The following TMCO5A variants were observed in gnomAD, a reference collection of about 807,000 sequenced individuals.
The protein encoded by TMCO5A is transmembrane and coiled-coil domains 5A, also known as transmembrane and coiled-coil domain-containing protein 5A.
TMCO5A carries 34 observed loss-of-function variants against 42.3 expected under a neutral mutation model. That is an observed-to-expected ratio of 0.80 (90% CI 0.61 to 1.07). The LOEUF (loss-of-function observed/expected upper bound fraction) is 1.07, where lower values mean the gene tolerates loss of function less well. Ranked by LOEUF, TMCO5A falls within the 50% of genes least tolerant of loss-of-function variation. The pLI, the probability that TMCO5A is intolerant of heterozygous loss-of-function variation, is 0.00. For missense variants in TMCO5A, 357 were observed against 327.9 expected (o/e 1.09, Z -0.69); for synonymous variants, 131 against 115.6 (o/e 1.13, Z -0.86).
chr15:37,990,337 T>C, the TMCO5A span, among the ~76,000 whole-genome samples: 1 of 152,104 alleles, frequency 6.6e-6, no homozygotes, highest in African/African-American at 2.4e-5. Context: ...TTTTCCTGTA[T>C]AGAAACTTCT....
the TMCO5A span, among the ~76,000 whole-genome samples, chr15:37,973,367 T>A: frequency 6.6e-6 from 1 of 152,224 alleles, no homozygotes; most frequent in Non-Finnish European, 1.5e-5. Context: ...ATTGAATCTA[T>A]AAATTGCTTT....
the TMCO5A span, among the ~76,000 whole-genome samples, chr15:38,002,430 T>G: frequency 6.6e-6 from 1 of 151,940 alleles, no homozygotes; most frequent in Non-Finnish European, 1.5e-5. Context: ...CCCTGGTATC[T>G]CTCTCTCTCT....
At chr15:37,971,641 A>T (rs1321879484), downstream of TMCO5A, among the ~76,000 whole-genome samples, 4 of 152,210 alleles carry the variant, frequency 2.6e-5, no homozygotes, top group East Asian at 7.7e-4. Context: ...TGTTTTTAAC[A>T]GCACCCAAGT....
downstream of TMCO5A, among the ~76,000 whole-genome samples, chr15:37,971,269 T>C (rs1209482809): frequency 6.6e-6 from 1 of 152,214 alleles, no homozygotes; most frequent in East Asian, 1.9e-4. Context: ...GGCTTGGGGC[T>C]TCCACCCTCT....
chr15:37,950,910 C>G, intron 11 of TMCO5A, 126 bp from the exon 12 acceptor site: 1 of 766,688 alleles, frequency 1.3e-6, no homozygotes. Flanking sequence ...AAAAGGTTGT[C>G]AGGAAAGGGG....
the TMCO5A span, among the ~76,000 whole-genome samples, chr15:37,981,366 T>A: frequency 6.6e-6 from 1 of 152,218 alleles, no homozygotes; most frequent in Non-Finnish European, 1.5e-5. Context: ...CTCGCCAGTG[T>A]AAACTTTTGA....
At chr15:37,952,581 G>A (rs1242441590), downstream of TMCO5A, among the ~76,000 whole-genome samples, 2 of 152,182 alleles carry the variant, frequency 1.3e-5, no homozygotes, top group Admixed American at 6.6e-5. Flanking sequence ...TAAGTACTAT[G>A]TGGAGGGCTT....
chr15:38,037,651 T>C, the TMCO5A span, among the ~76,000 whole-genome samples: 1 of 152,138 alleles, frequency 6.6e-6, no homozygotes, highest in Non-Finnish European at 1.5e-5. Context: ...AATGGAGAAG[T>C]AGGGCCACAT....
At chr15:37,955,521 G>A (rs1030292956), downstream of TMCO5A, among the ~76,000 whole-genome samples, 1 of 152,022 alleles carries the variant, frequency 6.6e-6, no homozygotes, top group African/African-American at 2.4e-5. Context: ...ATGGTAAAGG[G>A]ATCAATGCAA....
intron 11 of TMCO5A, among the ~76,000 whole-genome samples, chr15:37,956,863 C>A (rs1228692181): frequency 6.6e-6 from 1 of 152,172 alleles, no homozygotes; most frequent in African/African-American, 2.4e-5. Context: ...CAAACCAAAT[C>A]CAGCAGCATA....
At chr15:38,009,735 C>T in the TMCO5A span, among the ~76,000 whole-genome samples, 1 of 152,172 alleles carries the variant, frequency 6.6e-6, no homozygotes, top group Admixed American at 6.5e-5. Flanking sequence ...CACTAAATAG[C>T]TGTGTGACCT....
At chr15:37,959,397 G>A (rs115926691) in intron 11 of TMCO5A, among the ~76,000 whole-genome samples, 2,438 of 151,872 alleles carry the variant, frequency 0.016, 73 homozygotes, top group African/African-American at 0.055. Context: ...ACAAAGACAC[G>A]TCAAAAAAGA....
intron 11 of TMCO5A, among the ~76,000 whole-genome samples, chr15:37,949,081 T>C (rs1890065309): frequency 6.6e-6 from 1 of 151,482 alleles, no homozygotes. Context: ...AGGAAAGAAA[T>C]GGGGAAGGTT....
chr15:37,940,521 A>G (rs1395312280), intron 6 of TMCO5A, among the ~76,000 whole-genome samples: 2 of 152,036 alleles, frequency 1.3e-5, no homozygotes, highest in African/African-American at 4.8e-5. Context: ...CTCTCACACC[A>G]CCACTACCAT....
rs1162371900 is a variant in TMCO5A at position 37,941,718 on chromosome 15, C to T, written c.492C>T (p.Ala164=). 6.2e-7 allele frequency: 1 copy of T among 1,611,058 alleles called. No individual in the cohort carries two copies. The highest frequency in any genetic ancestry group is 1.7e-5 in the Admixed American group (1 of 59,832). Residue 164 remains alanine, a synonymous_variant, in exon 8 of 12, where the codon GCC becomes GCT. Transcript: ENST00000319669. ...TGACCCAGCTCTGTGAAGATCAAGC[C>T]CTCTACATAAAGGTAGAGCTTCTTG... ...AFVTQLCEDQ[A]LYIKKYQETL... is the part of the protein sequence containing the mutation.
intron 5 of TMCO5A, 57 bp from the exon 6 acceptor site, chr15:37,938,101 G>C (rs1889589810): frequency 7.0e-7 from 1 of 1,427,346 alleles, no homozygotes; most frequent in Non-Finnish European, 9.6e-7. Context: ...ACACACCAGA[G>C]AAAGTCTTTG....
At chr15:37,974,065 A>T in the TMCO5A span, among the ~76,000 whole-genome samples, 2 of 152,178 alleles carry the variant, frequency 1.3e-5, no homozygotes, top group South Asian at 4.1e-4. Flanking sequence ...AATCACATTT[A>T]TTGCCTCACG....
At chr15:37,975,559 C>T in the TMCO5A span, among the ~76,000 whole-genome samples, 1 of 150,984 alleles carries the variant, frequency 6.6e-6, no homozygotes, top group Non-Finnish European at 1.5e-5. Flanking sequence ...AACAGCAACC[C>T]CTGCTTTTTC....
chr15:38,016,189 C>T, the TMCO5A span, among the ~76,000 whole-genome samples: 1 of 152,058 alleles, frequency 6.6e-6, no homozygotes, highest in Non-Finnish European at 1.5e-5. Flanking sequence ...ATCTCTGCAC[C>T]TTCTGCTCAA....
Sources: allele counts gnomAD v4.1 joint callset (sites outside exome capture counted in the v4.1 genomes callset), GRCh38; gene constraint gnomAD v4.1.1; transcripts MANE v1.5; gene names NCBI Gene and HGNC (gene_info 2026-07-23, HGNC 2026-07-21).